The following ERMP1 variants were observed in gnomAD, a reference collection of about 807,000 sequenced individuals.
The protein encoded by ERMP1 is Felix-ina.
In ERMP1, 86 loss-of-function variants were observed where a neutral mutation model predicts 92.0. The observed-to-expected ratio is 0.93, with a 90% CI of 0.79 to 1.12. The LOEUF (loss-of-function observed/expected upper bound fraction) is 1.12, where lower values mean the gene tolerates loss of function less well. Among genes scored for constraint, ERMP1 ranks in the 50% most tolerant of loss-of-function variants. The pLI, the probability that ERMP1 is intolerant of heterozygous loss-of-function variation, is 0.00. For missense variants in ERMP1, 1,342 were observed against 1,116.3 expected (o/e 1.20, Z -2.88); for synonymous variants, 530 against 412.8 (o/e 1.28, Z -3.44).
intron 4 of ERMP1, among the ~76,000 whole-genome samples, chr9:5,816,753 T>G (rs964322146): frequency 6.6e-6 from 1 of 152,142 alleles, no homozygotes; most frequent in Non-Finnish European, 1.5e-5. Flanking sequence ...AATTGACTAG[T>G]GTTCGGCAAG....
Position 5,810,126 on chromosome 9 carries a change from A to C in ERMP1, c.1433T>G (p.Ile478Ser). Residue 478 changes from isoleucine (I) to serine (S), a missense_variant, in exon 8 of 15, where the codon ATT becomes AGT. By Grantham distance (142) the Ile-to-Ser change is moderately radical. Coordinates refer to ENST00000339450, the MANE Select transcript of ERMP1 (RefSeq NM_024896.3). ...GTTATACCATGAGAGAGACTGTCCA[A>C]TAAGAGAGATGAACACTGCTATAAT... ...VLIIAVFISL[I>S]GQSLSWYNHF... The C allele has an allele frequency of 6.2e-7, 1 of 1,613,986 alleles. No homozygotes were observed. The highest frequency in any genetic ancestry group is 2.2e-5 in the East Asian group (1 of 44,878).
chr9:5,803,496 T>C (rs943273260), intron 10 of ERMP1, among the ~76,000 whole-genome samples: 2 of 152,210 alleles, frequency 1.3e-5, no homozygotes, highest in African/African-American at 4.8e-5. Context: ...CCCTTTCATA[T>C]TATCAGTGGA....
At chr9:5,838,548 A>C (rs868652690) in intron 6 of ERMP1, among the ~76,000 whole-genome samples, 33 of 152,258 alleles carry the variant, frequency 2.2e-4, no homozygotes, top group African/African-American at 6.3e-4. Context: ...AAAAAGAAGA[A>C]GAAGAAGAAT....
chr9:5,823,570 G>A (rs1829622257), intron 4 of ERMP1, among the ~76,000 whole-genome samples: 1 of 152,148 alleles, frequency 6.6e-6, no homozygotes, highest in Non-Finnish European at 1.5e-5. Flanking sequence ...GAAACCTTAG[G>A]CAAGTTATAA....
Position 5,811,138 on chromosome 9 carries a change from T to C in ERMP1, c.1300A>G (p.Lys434Glu). Residue 434 changes from lysine to glutamate, a missense_variant, in exon 7 of 15, where the codon AAA becomes GAA. Transcript: ENST00000339450. ...TTATGTTTGGGCTGCAAAAATTTTT[T>C]GCCCAGGTACAAAACAACACCCATT... ...VVMGVVLYLG[K>E]KFLQPKHKTG... 2 of 1,613,978 alleles carry C rather than the reference T, an allele frequency of 1.2e-6. No individual in the cohort carries two copies. The highest frequency in any genetic ancestry group is 1.3e-5 in the African/African-American group (1 of 75,024).
chr9:5,818,638 C>T (rs1257329498), intron 4 of ERMP1, among the ~76,000 whole-genome samples: 1 of 151,842 alleles, frequency 6.6e-6, no homozygotes, highest in African/African-American at 2.4e-5. Flanking sequence ...TCACTTGAGC[C>T]CAGGAGCTGG....
intron 3 of ERMP1, 63 bp from the exon 4 acceptor site, chr9:5,824,064 T>G (rs1409782408): frequency 7.3e-7 from 1 of 1,371,824 alleles, no homozygotes; most frequent in Non-Finnish European, 1.0e-6. Context: ...GTCTTGATTT[T>G]GCTTAAACAC....
chr9:5,840,369 T>G (rs186318287), intron 6 of ERMP1, among the ~76,000 whole-genome samples: 3 of 152,184 alleles, frequency 2.0e-5, no homozygotes, highest in Non-Finnish European at 4.4e-5. Context: ...GATTCCTACA[T>G]AAGCTAAAAT....
Position 5,840,239 on chromosome 9 carries a change from C to A in ERMP1, n.3200-6927G>T, listed in dbSNP as rs552175862. ...CCTGGGTGACAGAGTGAGACTTCGT[C>A]AAAAAAGAAAGAAAGAGAGAGAGAG... is the stretch of plus-strand genomic sequence containing the variant. On this transcript the variant is annotated intron_variant and non_coding_transcript_variant, in intron 6 of 6. Coordinates refer to the ERMP1 transcript ENST00000690753. Among the ~76,000 whole-genome samples the A allele has an allele frequency of 3.3e-5, 5 of 150,806 alleles. No homozygotes were observed. The South Asian group carries it at 1.0e-3, about 32-fold the overall frequency.
Position 5,787,317 on chromosome 9 carries a change from G to C in ERMP1, c.2551-9C>G. ...GGATGTTCTTCTGAAACCTGCCAGA[G>C]AAAATCAATTAGTTCTCCAGTTCTC... On this transcript the variant is annotated splice_polypyrimidine_tract_variant and intron_variant, in intron 14 of 14. Transcript: ENST00000339450. 1 of 1,610,500 alleles carries C rather than the reference G, an allele frequency of 6.2e-7. No homozygotes were observed. Among genetic ancestry groups the C allele is most frequent in the Non-Finnish European group, 8.5e-7 (1 of 1,178,534 alleles).
intron 4 of ERMP1, among the ~76,000 whole-genome samples, chr9:5,823,206 A>T (rs1829605954): frequency 6.6e-6 from 1 of 152,004 alleles, no homozygotes; most frequent in African/African-American, 2.4e-5. Flanking sequence ...AACCACTTGA[A>T]CCCAGGAGGT....
chr9:5,838,803 CAA>C (rs796809960), intron 6 of ERMP1, among the ~76,000 whole-genome samples: 1 of 142,380 alleles, frequency 7.0e-6, no homozygotes, highest in African/African-American at 2.6e-5. Flanking sequence ...TTAAGAGAAA[CAA>C]AAAAAAAAGA....
intron 14 of ERMP1, 25 bp downstream of exon 14, chr9:5,787,405 A>T: frequency 6.2e-7 from 1 of 1,609,440 alleles, no homozygotes; most frequent in Non-Finnish European, 8.5e-7. Flanking sequence ...AATCAATGAA[A>T]CAAACAATGC....
At position 5,862,877 on chromosome 9, in the gene ERMP1, C is replaced by T. The variant is rs537906349; in HGVS notation, n.3056-3266G>A. Among the ~76,000 whole-genome samples the T allele has an allele frequency of 3.4e-4, 51 of 152,206 alleles. 1 individual carries two copies. The South Asian group carries it at 6.2e-3, about 19-fold the overall frequency. On this transcript the variant is annotated intron_variant and non_coding_transcript_variant, in intron 5 of 6. Transcript: ENST00000690753. ...CCCCAACCAAGACTGTGTGACAATC[C>T]AATAAAATGCAATAAGAAAGCCAGA...
intron 6 of ERMP1, among the ~76,000 whole-genome samples, chr9:5,811,857 C>A (rs1487384978): frequency 1.3e-5 from 2 of 152,170 alleles, no homozygotes; most frequent in African/African-American, 2.4e-5. Context: ...GGGAGACTAA[C>A]AGAGCTACAT....
chr9:5,840,019 A>G (rs148642300), intron 6 of ERMP1, among the ~76,000 whole-genome samples: 2,455 of 152,272 alleles, frequency 0.016, 30 homozygotes, highest in Non-Finnish European at 0.025. Context: ...AGGTGGGCGA[A>G]TCACTTGAGG....
intron 10 of ERMP1, among the ~76,000 whole-genome samples, chr9:5,803,267 A>G (rs1380988676): frequency 6.6e-6 from 1 of 152,254 alleles, no homozygotes; most frequent in Non-Finnish European, 1.5e-5. Flanking sequence ...GTGATAACTC[A>G]TGGCATCAAA....
In ERMP1 at chr9:5,823,903, G is replaced by T; in HGVS notation, c.867C>A (p.Phe289Leu). 6.2e-7 allele frequency: 1 copy of T among 1,607,106 alleles called. No individual in the cohort carries two copies. Among genetic ancestry groups the T allele is most frequent in the Non-Finnish European group, 8.5e-7 (1 of 1,173,790 alleles). ...ACGCACAATCTCACATACCTGTTTG[G>T]AATACAAGTTCTTTCCCTCCTACAC... ...AAGVGGKELV[F>L]QTGPENPWLV... Residue 289 changes from phenylalanine to leucine, a missense_variant, in exon 4 of 15, where the codon TTC becomes TTA. Physicochemically the swap from Phe to Leu is conservative, Grantham distance 22 (BLOSUM62 0). Transcript: ENST00000339450.
chr9:5,832,289 G>A (rs1377061631), intron 1 of ERMP1, among the ~76,000 whole-genome samples: 1 of 151,966 alleles, frequency 6.6e-6, no homozygotes, highest in African/African-American at 2.4e-5. Context: ...AAAACTCCCC[G>A]CCCCCAAAGC....
Sources: gnomAD v4.1 joint callset for allele counts (sites outside exome capture counted in the v4.1 genomes callset) on GRCh38, gnomAD v4.1.1 for gene constraint, MANE v1.5 for transcripts, NCBI Gene and HGNC (gene_info 2026-07-23, HGNC 2026-07-21) for gene names.